The following CSMD1 variants were observed in gnomAD, a reference collection of about 807,000 sequenced individuals.
CSMD1 encodes CUB and sushi domain-containing protein 1.
Under a neutral mutation model 417.5 loss-of-function variants are expected in CSMD1, and 213 were observed. The ratio of observed to expected loss-of-function variants is 0.51; its 90% CI spans 0.46 to 0.57. CSMD1 has a LOEUF of 0.57. CSMD1 is among the 20% of genes least tolerant of loss of function. The pLI is 0.00. For missense variants in CSMD1, 6,923 were observed against 4,529.7 expected (o/e 1.53, Z -15.17); for synonymous variants, 2,862 against 1,736.8 (o/e 1.65, Z -16.11).
chr8:4,165,067 G>C (rs1797376810), intron 3 of CSMD1, among the ~76,000 whole-genome samples: 1 of 152,124 alleles, frequency 6.6e-6, no homozygotes, highest in Admixed American at 6.5e-5. Context: ...AGACAGTGAA[G>C]TTTAGGTGGG....
intron 1 of CSMD1, among the ~76,000 whole-genome samples, chr8:4,731,163 C>T (rs568244266): frequency 1.3e-5 from 2 of 152,206 alleles, no homozygotes; most frequent in Non-Finnish European, 2.9e-5. Context: ...ACTTTCCGAG[C>T]TGTAACTGAA....
intron 1 of CSMD1, among the ~76,000 whole-genome samples, chr8:4,716,696 G>T (rs779415912): frequency 6.6e-6 from 1 of 152,134 alleles, no homozygotes; most frequent in Admixed American, 6.5e-5. Context: ...ATAATTAGAG[G>T]ACTATTCAAG....
Position 3,893,115 on chromosome 8 carries a change from A to G in CSMD1, c.818+104788T>C, listed in dbSNP as rs1370871416. ...TTCTATTATCTCTGCAAAAAACATG[A>G]CAAAATCATCCTCACACAAAAAGGT... On this transcript the variant is annotated intron_variant, in intron 5 of 69. Transcript: ENST00000635120. Among the ~76,000 whole-genome samples, 5 of 151,940 alleles carry G rather than the reference A, an allele frequency of 3.3e-5. No homozygotes were observed. In the East Asian group the frequency reaches 5.8e-4, roughly 18 times the overall value.
intron 50 of CSMD1, among the ~76,000 whole-genome samples, chr8:3,041,446 A>C (rs916329458): frequency 6.6e-6 from 1 of 152,182 alleles, no homozygotes; most frequent in Admixed American, 6.5e-5. Flanking sequence ...CACACCTTGA[A>C]AACCTTTTTC....
chr8:4,453,244 C>CAA (rs1554483343), intron 2 of CSMD1, among the ~76,000 whole-genome samples: 1 of 147,700 alleles, frequency 6.8e-6, no homozygotes, highest in Non-Finnish European at 1.5e-5. Context: ...CACACACACA[C>CAA]TGAACCTCCT....
rs11985528 is a variant in CSMD1, at chr8:2,936,610, G to C, written c.*1975C>G. 0.073 allele frequency: 11,033 copies of C among 152,152 alleles called. 907 individuals carry two copies. The highest frequency in any genetic ancestry group is 0.2 in the African/African-American group (8,172 of 41,458). 9.4% of individuals were successfully genotyped at this position (152,152 alleles called of 1,614,324 possible). A position where few individuals can be genotyped will look rare whatever the true frequency, so the allele number is the denominator to read the frequency against. ...GGTTGGCCAGGGAAAACTGTGCAGA[G>C]AATTCAGCATAATGATACAGAATCC... On this transcript the variant is annotated 3_prime_UTR_variant, in exon 70 of 70. Transcript: ENST00000635120.
chr8:3,403,384 C>T lies in CSMD1; in HGVS notation c.2266+2643G>A, dbSNP rs763899820. ...CAGCAGAGGCAGTGATCGGGGTACC[C>T]GCCTGTTCCATCGGAGCGTCCCCTA... is the stretch of plus-strand genomic sequence containing the variant. On this transcript the variant is annotated intron_variant, in intron 15 of 69. Transcript: ENST00000635120. Among the ~76,000 whole-genome samples the T allele has an allele frequency of 1.4e-4, 21 of 152,276 alleles. No individual in the cohort carries two copies. In the East Asian group the frequency reaches 4.1e-3, roughly 29 times the overall value.
intron 1 of CSMD1, among the ~76,000 whole-genome samples, chr8:4,831,981 A>G (rs995928398): frequency 1.3e-5 from 2 of 152,166 alleles, no homozygotes; most frequent in African/African-American, 4.8e-5. Context: ...GGGAACTCCA[A>G]ATTCCCACTG....
At chr8:4,204,858 A>G (rs548800717) in intron 3 of CSMD1, among the ~76,000 whole-genome samples, 1 of 152,184 alleles carries the variant, frequency 6.6e-6, no homozygotes, top group South Asian at 2.1e-4. Context: ...ACAGGGTATC[A>G]CTATATTCCC....
intron 1 of CSMD1, among the ~76,000 whole-genome samples, chr8:4,746,184 C>T (rs908491154): frequency 3.9e-5 from 6 of 152,078 alleles, no homozygotes; most frequent in African/African-American, 7.2e-5. Context: ...AATTCTTTGT[C>T]CAATTCCGCC....
intron 3 of CSMD1, among the ~76,000 whole-genome samples, chr8:4,270,634 G>T (rs1804526845): frequency 1.3e-5 from 2 of 152,176 alleles, no homozygotes; most frequent in South Asian, 2.1e-4. Context: ...AATTAAACCT[G>T]CCCCTCAAAT....
At chr8:4,975,531 A>T (rs1810500613) in intron 1 of CSMD1, among the ~76,000 whole-genome samples, 1 of 152,190 alleles carries the variant, frequency 6.6e-6, no homozygotes. Flanking sequence ...TATTTTTCAG[A>T]TGAAGGAAGT....
intron 2 of CSMD1, among the ~76,000 whole-genome samples, chr8:4,532,210 G>C (rs1796856439): frequency 7.1e-6 from 1 of 139,948 alleles, no homozygotes; most frequent in Non-Finnish European, 1.5e-5. Context: ...GAGAAATCCT[G>C]CACCCCCATT....
At chr8:3,761,227 A>G (rs11996063) in intron 5 of CSMD1, among the ~76,000 whole-genome samples, 68,117 of 152,008 alleles carry the variant, frequency 0.45, 15,800 homozygotes, top group African/African-American at 0.57. Context: ...CATGAAAAAC[A>G]GTTAAAAGAA....
intron 5 of CSMD1, among the ~76,000 whole-genome samples, chr8:3,886,881 G>C (rs951303546): frequency 5.9e-5 from 9 of 152,156 alleles, no homozygotes; most frequent in Non-Finnish European, 1.3e-4. Context: ...ACTGGCTCTC[G>C]CATGGTAATG....
chr8:4,805,951 G>C (rs1187366441), intron 1 of CSMD1, among the ~76,000 whole-genome samples: 1 of 152,108 alleles, frequency 6.6e-6, no homozygotes, highest in South Asian at 2.1e-4. Flanking sequence ...GCCTTTGCTA[G>C]ACGATTTTTT....
intron 10 of CSMD1, among the ~76,000 whole-genome samples, chr8:3,572,609 G>C (rs1799990200): frequency 6.6e-6 from 1 of 152,116 alleles, no homozygotes; most frequent in Non-Finnish European, 1.5e-5. Context: ...TTTTAGCTAT[G>C]TTTTCTTTAA....
intron 42 of CSMD1, among the ~76,000 whole-genome samples, chr8:3,117,568 CG>C (rs1816944654): frequency 6.6e-6 from 1 of 152,044 alleles, no homozygotes; most frequent in Non-Finnish European, 1.5e-5. Flanking sequence ...GTGAGAATAT[CG>C]GGTTTACAGT....
chr8:4,373,393 G>C (rs866138263), intron 3 of CSMD1, among the ~76,000 whole-genome samples: 26 of 152,182 alleles, frequency 1.7e-4, no homozygotes, highest in Non-Finnish European at 1.2e-4. Context: ...TGTGCCACCA[G>C]AATATAAAAT....
Sources: gnomAD v4.1 joint callset for allele counts (sites outside exome capture counted in the v4.1 genomes callset) on GRCh38, gnomAD v4.1.1 for gene constraint, MANE v1.5 for transcripts, NCBI Gene and HGNC (gene_info 2026-07-23, HGNC 2026-07-21) for gene names.